The following SMPD3 variants were observed in gnomAD, a reference collection of about 807,000 sequenced individuals.
The protein encoded by SMPD3 is sphingomyelin phosphodiesterase 3.
Under a neutral mutation model 55.7 loss-of-function variants are expected in SMPD3, and 21 were observed. The observed-to-expected ratio is 0.38, with a 90% confidence interval of 0.27 to 0.54. SMPD3 has a LOEUF of 0.54. Ranked by LOEUF, SMPD3 falls within the 20% of genes least tolerant of loss-of-function variation. The pLI, the probability that SMPD3 is intolerant of heterozygous loss-of-function variation, is 0.80. For missense variants in SMPD3, 842 were observed against 899.6 expected, an observed-to-expected ratio of 0.94 and a Z score of 0.82; for synonymous variants, 457 against 404.3, an observed-to-expected ratio of 1.13 and a Z score of -1.56.
At chr16:68,435,586 G>A (rs2090517065) in intron 1 of SMPD3, among the ~76,000 whole-genome samples, 1 of 152,292 alleles carries the variant, frequency 6.6e-6, no homozygotes, top group Middle Eastern at 3.4e-3. Context: ...GCCTGGGAAA[G>A]GCACGGTGGG....
chr16:68,373,393 G>T (rs919818781), intron 2 of SMPD3, among the ~76,000 whole-genome samples: 1 of 152,232 alleles, frequency 6.6e-6, no homozygotes, highest in Non-Finnish European at 1.5e-5. Flanking sequence ...GGGGACCCAC[G>T]TGTGATCACC....
intron 2 of SMPD3, among the ~76,000 whole-genome samples, chr16:68,382,715 CCAGATCACTGACTG>C (rs2089975079): frequency 6.6e-6 from 1 of 152,188 alleles, no homozygotes; most frequent in Non-Finnish European, 1.5e-5. Flanking sequence ...ATAATGACTA[CCAGATCACTGACTG>C]CAGACAAGGA....
chr16:68,445,126 C>A (rs1322342530), intron 1 of SMPD3, among the ~76,000 whole-genome samples: 1 of 152,202 alleles, frequency 6.6e-6, no homozygotes, highest in Non-Finnish European at 1.5e-5. Flanking sequence ...GTATTTGCAG[C>A]TTTTTGCATT....
Position 68,383,092 on chromosome 16 carries a change from G to T in SMPD3, c.-207+3506C>A, listed in dbSNP as rs557093664. On this transcript the variant is annotated intron_variant, in intron 2 of 8. Coordinates refer to ENST00000219334, the MANE Select transcript of SMPD3 (RefSeq NM_018667.4). ...GACCCCAGGTGATCCACCCGCCTCAGCCTCCCAAAGTGCTGGGATTACAGG... is the reference window on the plus strand; with the variant it reads ...GACCCCAGGTGATCCACCCGCCTCATCCTCCCAAAGTGCTGGGATTACAGG... Among the ~76,000 whole-genome samples, 10 of 152,348 alleles carry T rather than the reference G, an allele frequency of 6.6e-5. No homozygotes were observed. The East Asian group carries it at 1.3e-3, about 21-fold the overall frequency.
chr16:68,386,165 T>C (rs1276778228), intron 2 of SMPD3, among the ~76,000 whole-genome samples: 4 of 149,944 alleles, frequency 2.7e-5, no homozygotes, highest in African/African-American at 9.9e-5. Flanking sequence ...GAGATTGCAG[T>C]GAGCTGAGAT....
At chr16:68,444,475 G>A (rs1024284035) in intron 1 of SMPD3, among the ~76,000 whole-genome samples, 3 of 152,034 alleles carry the variant, frequency 2.0e-5, no homozygotes, top group African/African-American at 7.2e-5. Flanking sequence ...CTGCTCACAA[G>A]ATTTACCAAA....
At chr16:68,373,847 C>T (rs1023166256) in intron 2 of SMPD3, among the ~76,000 whole-genome samples, 2 of 152,208 alleles carry the variant, frequency 1.3e-5, no homozygotes, top group Non-Finnish European at 2.9e-5. Flanking sequence ...GCCCCCTCCC[C>T]TGGACGCCCG....
At chr16:68,375,236 A>G (rs900355862) in intron 2 of SMPD3, among the ~76,000 whole-genome samples, 2 of 141,884 alleles carry the variant, frequency 1.4e-5, no homozygotes, top group Non-Finnish European at 3.1e-5. Flanking sequence ...GTCTTGGGGG[A>G]CAAAGTCCAG....
chr16:68,372,197 G>A lies in SMPD3; in HGVS notation c.-16C>T, dbSNP rs368663661. ...ACAAAACCATCGCAGCTCACTGGGC[G>A]CCGCAGCCGGCCCTACTACATGGTG... On this transcript the variant is annotated 5_prime_UTR_variant, in exon 3 of 9. Coordinates refer to ENST00000219334, the MANE Select transcript of SMPD3 (RefSeq NM_018667.4). 5.2e-5 allele frequency: 84 copies of A among 1,606,618 alleles called. No individual in the cohort carries two copies. Among genetic ancestry groups the A allele is most frequent in the Non-Finnish European group, 6.6e-5 (78 of 1,177,530 alleles).
intron 1 of SMPD3, among the ~76,000 whole-genome samples, chr16:68,399,089 C>T (rs1290792925): frequency 6.6e-6 from 1 of 152,228 alleles, no homozygotes; most frequent in Non-Finnish European, 1.5e-5. Context: ...AGCAAATCCT[C>T]CCGGCCTCCT....
chr16:68,430,338 C>A (rs1054148853), intron 1 of SMPD3, among the ~76,000 whole-genome samples: 1 of 152,194 alleles, frequency 6.6e-6, no homozygotes, highest in African/African-American at 2.4e-5. Context: ...TGCTTCCTAC[C>A]TCCTCCCCAG....
intron 7 of SMPD3, 110 bp from the exon 8 acceptor site, chr16:68,361,869 G>T: frequency 1.3e-5 from 10 of 769,464 alleles, no homozygotes; most frequent in South Asian, 3.2e-5. Flanking sequence ...GGGTGGGTGG[G>T]ACCAAAGCGC....
chr16:68,416,785 G>C (rs1479798513), intron 1 of SMPD3, among the ~76,000 whole-genome samples: 1 of 152,136 alleles, frequency 6.6e-6, no homozygotes, highest in Non-Finnish European at 1.5e-5. Flanking sequence ...CGGTGGGTCA[G>C]AGCACAGGTG....
At chr16:68,422,362 A>G (rs1188372863) in intron 1 of SMPD3, among the ~76,000 whole-genome samples, 1 of 152,222 alleles carries the variant, frequency 6.6e-6, no homozygotes, top group Non-Finnish European at 1.5e-5. Flanking sequence ...AGAACTGGGA[A>G]AGCCATGGAT....
chr16:68,388,398 C>T (rs894291584), intron 1 of SMPD3, among the ~76,000 whole-genome samples: 3 of 152,204 alleles, frequency 2.0e-5, no homozygotes, highest in Non-Finnish European at 4.4e-5. Flanking sequence ...CTCTGTCCTT[C>T]ACCCTCTTGC....
In SMPD3 at chr16:68,389,308, C is replaced by G. The variant is rs148842642; in HGVS notation, c.-268-2649G>C. Among the ~76,000 whole-genome samples, 241 of 152,348 alleles carry G rather than the reference C, an allele frequency of 1.6e-3. 2 individuals carry two copies. The East Asian group carries it at 0.025, about 16-fold the overall frequency. On this transcript the variant is annotated intron_variant, in intron 1 of 8. Coordinates refer to ENST00000219334, the MANE Select transcript of SMPD3 (RefSeq NM_018667.4). ...GCCTGCCTGCCTGTCCACCAGGAGG[C>G]CTCAATCCCACAGGCCCCAAGACCA...
rs1214699435 is a variant in SMPD3 at position 68,358,842 on chromosome 16, T to G, written c.*2364A>C. 6.6e-6 allele frequency: 1 copy of G among 152,338 alleles called. No homozygotes were observed. The highest frequency in any genetic ancestry group is 1.9e-4 in the East Asian group (1 of 5,306). The allele number at this position is 152,338 out of a possible 1,614,324, so 9.4% of individuals were successfully genotyped here. Reference sequence around the variant, plus strand: ...TCCAGCAATGGTTCACTTTAAAAAATCAGTGGAAGGGCCTGGCCTGCACAC... The same window carrying G: ...TCCAGCAATGGTTCACTTTAAAAAAGCAGTGGAAGGGCCTGGCCTGCACAC... On this transcript the variant is annotated 3_prime_UTR_variant, in exon 9 of 9. Transcript: ENST00000219334.
At position 68,407,108 on chromosome 16, in the gene SMPD3, G is replaced by A. The variant is rs924880005; in HGVS notation, c.-268-20449C>T. On this transcript the variant is annotated intron_variant, in intron 1 of 8. Transcript: ENST00000219334. ...TCAGGAGAATATTGAAGGGAGACTC[G>A]TCTTGCTTGAGGTGAACATTTGAGG... 1.4e-4 allele frequency among the ~76,000 whole-genome samples: 22 copies of A among 152,266 alleles called. No individual in the cohort carries two copies. In the East Asian group the frequency reaches 3.5e-3, roughly 24 times the overall value.
At chr16:68,399,332 G>A (rs1038469320) in intron 1 of SMPD3, among the ~76,000 whole-genome samples, 1 of 152,208 alleles carries the variant, frequency 6.6e-6, no homozygotes, top group Non-Finnish European at 1.5e-5. Flanking sequence ...GTGAGAAGGA[G>A]GAGCCACCTT....
Sources: allele counts gnomAD v4.1 joint callset (sites outside exome capture counted in the v4.1 genomes callset), GRCh38; gene constraint gnomAD v4.1.1; transcripts MANE v1.5; gene names NCBI Gene and HGNC (gene_info 2026-07-23, HGNC 2026-07-21).